Variants in FRMD4B observed in about 807,000 individuals in gnomAD.
FRMD4B encodes the protein FERM domain containing 4B.
In FRMD4B, 74 loss-of-function variants were observed where a neutral mutation model predicts 141.5. That is an observed-to-expected ratio of 0.52 (90% CI 0.43 to 0.63). FRMD4B has a LOEUF of 0.63. FRMD4B is among the 30% of genes least tolerant of loss of function. The pLI is 0.00. For synonymous variants in FRMD4B, 506 were observed against 467.9 expected (o/e 1.08, Z -1.05); for missense variants, 1,366 against 1,253.4 (o/e 1.09, Z -1.36).
intron 22 of FRMD4B, among the ~76,000 whole-genome samples, chr3:69,175,769 C>CTTT (rs141059202): frequency 6.0e-4 from 53 of 88,086 alleles, no homozygotes; most frequent in African/African-American, 1.9e-3. Flanking sequence ...CTTTTCTTCT[C>CTTT]TTTTTTTTTT....
chr3:69,293,902 A>T (rs1429089063), intron 4 of FRMD4B, among the ~76,000 whole-genome samples: 1 of 147,694 alleles, frequency 6.8e-6, no homozygotes, highest in African/African-American at 2.4e-5. Context: ...AAAAAAAAAA[A>T]AAAAAATCCA....
chr3:69,472,925 C>CTTTTTTTTTTTTTTTTTTTTTTTTTT (rs796453101), intron 1 of FRMD4B, among the ~76,000 whole-genome samples: 1 of 90,916 alleles, frequency 1.1e-5, no homozygotes, highest in African/African-American at 4.8e-5. Context: ...GTGAGTCTTT[C>CTTTTTTTTTTTTTTTTTTTTTTTTTT]TTTTTTTTTT....
At chr3:69,448,655 C>T (rs1325318399) in intron 1 of FRMD4B, among the ~76,000 whole-genome samples, 1 of 152,082 alleles carries the variant, frequency 6.6e-6, no homozygotes, top group African/African-American at 2.4e-5. Flanking sequence ...GCTTATTGCT[C>T]ATTTGTATAA....
In FRMD4B at chr3:69,171,182, A is replaced by C. The variant is rs954135438; in HGVS notation, c.*679T>G. On this transcript the variant is annotated 3_prime_UTR_variant, in exon 23 of 23. Transcript: ENST00000398540. ...TTCAGTGGGCTGCTTCATTTTCCCC[A>C]ATCTGCTACCATAAGTTATATTACA... 1 of 152,186 alleles carries C rather than the reference A, an allele frequency of 6.6e-6. No homozygotes were observed. The highest frequency in any genetic ancestry group is 1.5e-5 in the Non-Finnish European group (1 of 68,046). 9.4% of individuals were successfully genotyped at this position (152,186 alleles called of 1,614,324 possible).
intron 1 of FRMD4B, among the ~76,000 whole-genome samples, chr3:69,505,858 T>C (rs919307901): frequency 6.6e-6 from 1 of 152,136 alleles, no homozygotes; most frequent in Admixed American, 6.6e-5. Context: ...AAGGATCCTG[T>C]GGGGAAGGCA....
At chr3:69,491,318 G>T (rs1173741949) in intron 1 of FRMD4B, among the ~76,000 whole-genome samples, 1 of 152,058 alleles carries the variant, frequency 6.6e-6, no homozygotes, top group Non-Finnish European at 1.5e-5. Flanking sequence ...TCTATGAGAA[G>T]AACTGCAAAG....
At chr3:69,226,390 A>G (rs2093254277) in intron 7 of FRMD4B, among the ~76,000 whole-genome samples, 1 of 151,012 alleles carries the variant, frequency 6.6e-6, no homozygotes, top group Non-Finnish European at 1.5e-5. Context: ...TTTCTTAATA[A>G]TCTCTCTTAT....
intron 1 of FRMD4B, among the ~76,000 whole-genome samples, chr3:69,495,492 C>T (rs756532658): frequency 1.3e-5 from 2 of 152,176 alleles, no homozygotes; most frequent in African/African-American, 2.4e-5. Context: ...CACTCTCTAT[C>T]GTTGGCTTCA....
At chr3:69,222,050 T>G in intron 8 of FRMD4B, 127 bp from the exon 9 acceptor site, 1 of 657,360 alleles carries the variant, frequency 1.5e-6, no homozygotes, top group South Asian at 1.7e-5. Context: ...GTTTGGTAGA[T>G]AGAGTTTGGC....
Position 69,169,068 on chromosome 3 carries a change from GA to G in FRMD4B, c.*2792del, listed in dbSNP as rs554053510. 3.4e-3 allele frequency among the ~76,000 whole-genome samples: 437 copies of G among 127,988 alleles called. 2 individuals carry two copies. The highest frequency in any genetic ancestry group is 0.011 in the African/African-American group (415 of 37,822). The allele number at this position is 127,988 out of a possible 152,430, so 84.0% of individuals were successfully genotyped here. A position where few individuals can be genotyped will look rare whatever the true frequency, so the allele number is the denominator to read the frequency against. The stretch of plus-strand genomic sequence containing the variant: ...CTTTAAAAAAATTACTATATGCATA[GA>G]AAAAAATCCAAACAAATATACAATA... On this transcript the variant is annotated 3_prime_UTR_variant, in exon 23 of 23. Transcript: ENST00000398540.
intron 1 of FRMD4B, among the ~76,000 whole-genome samples, chr3:69,337,862 C>T (rs1211372246): frequency 6.6e-6 from 1 of 152,150 alleles, no homozygotes; most frequent in Admixed American, 6.5e-5. Flanking sequence ...GTTGGTGGGA[C>T]CGTAAACTAG....
At chr3:69,538,016 G>A (rs1444375834) in intron 1 of FRMD4B, among the ~76,000 whole-genome samples, 7 of 152,198 alleles carry the variant, frequency 4.6e-5, no homozygotes, top group African/African-American at 7.2e-5. Flanking sequence ...TCCTCCAGCC[G>A]TGCCAACTGG....
chr3:69,494,232 G>A (rs1219554997), intron 1 of FRMD4B, among the ~76,000 whole-genome samples: 2 of 152,140 alleles, frequency 1.3e-5, no homozygotes, highest in African/African-American at 4.8e-5. Context: ...ACCACGAATG[G>A]TTAACCACAG....
At chr3:69,264,269 T>C (rs1288946369) in intron 5 of FRMD4B, among the ~76,000 whole-genome samples, 2 of 152,172 alleles carry the variant, frequency 1.3e-5, no homozygotes, top group East Asian at 3.8e-4. Flanking sequence ...CCCTGCCTAG[T>C]AGGTATAATT....
At chr3:69,499,715 T>C (rs868686275) in intron 1 of FRMD4B, among the ~76,000 whole-genome samples, 9 of 151,108 alleles carry the variant, frequency 6.0e-5, no homozygotes, top group Middle Eastern at 6.9e-3. Context: ...GAGAGAGAGA[T>C]GGATTCTAAT....
At chr3:69,448,041 G>GT (rs1170140001) in intron 1 of FRMD4B, among the ~76,000 whole-genome samples, 28 of 129,900 alleles carry the variant, frequency 2.2e-4, no homozygotes, top group African/African-American at 6.5e-4. Context: ...TTTTTTTTTC[G>GT]TTTTTTCAGA....
intron 1 of FRMD4B, among the ~76,000 whole-genome samples, chr3:69,457,595 G>C (rs1705640221): frequency 6.6e-6 from 1 of 152,116 alleles, no homozygotes; most frequent in African/African-American, 2.4e-5. Context: ...TTAAAATCTT[G>C]TGCCACGTTT....
chr3:69,466,428 T>C (rs1238952338), intron 1 of FRMD4B, among the ~76,000 whole-genome samples: 2 of 152,122 alleles, frequency 1.3e-5, no homozygotes, highest in Admixed American at 6.5e-5. Context: ...ATGTTAAAGG[T>C]ATGAGATTGT....
At chr3:69,212,403 A>C (rs2093095106) in intron 11 of FRMD4B, among the ~76,000 whole-genome samples, 1 of 149,834 alleles carries the variant, frequency 6.7e-6, no homozygotes, top group Non-Finnish European at 1.5e-5. Flanking sequence ...GAAAAAAAAG[A>C]AAAAAAGCGA....
Sources: allele counts gnomAD v4.1 joint callset (sites outside exome capture counted in the v4.1 genomes callset), GRCh38; gene constraint gnomAD v4.1.1; transcripts MANE v1.5; gene names NCBI Gene and HGNC (gene_info 2026-07-23, HGNC 2026-07-21).